TTC27: variants seen among roughly 807,000 people sequenced by gnomAD.
TTC27 encodes tetratricopeptide repeat protein 27.
A neutral mutation model predicts 115.9 loss-of-function variants in TTC27; 79 were observed. The ratio of observed to expected loss-of-function variants is 0.68; its 90% CI spans 0.57 to 0.82. The LOEUF is 0.82. Ranked by LOEUF, TTC27 falls within the 40% of genes least tolerant of loss-of-function variation. The pLI is 0.00. For missense variants in TTC27, 1,054 were observed against 993.1 expected (o/e 1.06, Z -0.82); for synonymous variants, 401 against 356.0 (o/e 1.13, Z -1.42).
At chr2:32,717,529 G>GT (rs1572544492) in intron 10 of TTC27, among the ~76,000 whole-genome samples, 1 of 152,076 alleles carries the variant, frequency 6.6e-6, no homozygotes, top group East Asian at 1.9e-4. Context: ...TTTCCTGTTA[G>GT]TTATTATCTT....
intron 9 of TTC27, among the ~76,000 whole-genome samples, chr2:32,694,319 G>A (rs1666912615): frequency 6.6e-6 from 1 of 152,132 alleles, no homozygotes; most frequent in African/African-American, 2.4e-5. Flanking sequence ...ACATATCAGA[G>A]CCTTTTCATG....
intron 9 of TTC27, among the ~76,000 whole-genome samples, chr2:32,683,262 T>G (rs1288970111): frequency 6.6e-6 from 1 of 152,132 alleles, no homozygotes; most frequent in African/African-American, 2.4e-5. Context: ...GTGCTGGATT[T>G]ACAGGGGTGA....
chr2:32,664,069 G>T (rs966080388), intron 5 of TTC27, among the ~76,000 whole-genome samples: 8 of 152,112 alleles, frequency 5.3e-5, no homozygotes, highest in African/African-American at 1.9e-4. Flanking sequence ...GGATTGTGTG[G>T]AATAAAGGAG....
At chr2:32,694,963 G>A (rs1422981487) in intron 9 of TTC27, among the ~76,000 whole-genome samples, 1 of 152,028 alleles carries the variant, frequency 6.6e-6, no homozygotes, top group Non-Finnish European at 1.5e-5. Context: ...ACAGGTGTGA[G>A]CCACTACGGC....
intron 9 of TTC27, among the ~76,000 whole-genome samples, chr2:32,695,933 T>C (rs1227658981): frequency 7.0e-6 from 1 of 142,278 alleles, no homozygotes; most frequent in Non-Finnish European, 1.5e-5. Context: ...AAATAAAATA[T>C]TATGAAAGTA....
intron 10 of TTC27, chr2:32,705,133 A>C (rs1329034888): frequency 3.6e-6 from 1 of 275,788 alleles, no homozygotes; most frequent in South Asian, 3.6e-5. Context: ...TGCCCTCCCC[A>C]CAGTAATAAG....
intron 9 of TTC27, among the ~76,000 whole-genome samples, chr2:32,689,050 TAA>T (rs1666729881): frequency 6.6e-6 from 1 of 152,114 alleles, no homozygotes; most frequent in Admixed American, 6.6e-5. Context: ...GAAACACTGA[TAA>T]ATGCAACAGC....
At chr2:32,628,450 T>G (rs1386566761) in intron 1 of TTC27, 70 bp downstream of exon 1, 1 of 1,365,980 alleles carries the variant, frequency 7.3e-7, no homozygotes, top group Non-Finnish European at 9.8e-7. Flanking sequence ...CAGCGACTGA[T>G]TCTCATCCCT....
chr2:32,652,826 G>T (rs954219291), intron 5 of TTC27, among the ~76,000 whole-genome samples: 1 of 152,146 alleles, frequency 6.6e-6, no homozygotes, highest in African/African-American at 2.4e-5. Flanking sequence ...GCCCTTGAAG[G>T]ATCATCAGAA....
intron 12 of TTC27, among the ~76,000 whole-genome samples, chr2:32,747,632 T>G (rs1156293015): frequency 1.3e-5 from 2 of 152,200 alleles, no homozygotes; most frequent in African/African-American, 4.8e-5. Context: ...TTATTTTGTC[T>G]TCTTTGCAAT....
intron 13 of TTC27, among the ~76,000 whole-genome samples, chr2:32,761,299 A>T (rs1669427925): frequency 6.6e-6 from 1 of 152,134 alleles, no homozygotes; most frequent in Non-Finnish European, 1.5e-5. Context: ...TATGTCCAGA[A>T]TCAGACTGCT....
chr2:32,679,098 T>A (rs1030846419), intron 9 of TTC27, among the ~76,000 whole-genome samples, 176 bp downstream of exon 9: 6 of 152,120 alleles, frequency 3.9e-5, no homozygotes, highest in African/African-American at 9.7e-5. Context: ...GATTTAAGAG[T>A]CTGCAACTCT....
intron 13 of TTC27, among the ~76,000 whole-genome samples, chr2:32,761,788 A>G (rs1189640814): frequency 6.6e-6 from 1 of 152,150 alleles, no homozygotes; most frequent in African/African-American, 2.4e-5. Context: ...GCACTTATGT[A>G]TAGCTTACTT....
intron 10 of TTC27, among the ~76,000 whole-genome samples, chr2:32,728,123 C>T (rs1022103875): frequency 6.7e-6 from 1 of 149,308 alleles, no homozygotes; most frequent in Admixed American, 6.8e-5. Context: ...TCACTGCAAG[C>T]TCCACCTCCC....
chr2:32,644,352 A>C (rs79926386), intron 4 of TTC27, among the ~76,000 whole-genome samples: 184 of 143,530 alleles, frequency 1.3e-3, no homozygotes, highest in Admixed American at 2.9e-3. Flanking sequence ...CTCTGTCTCC[A>C]AAAAAAAAAA....
intron 7 of TTC27, among the ~76,000 whole-genome samples, chr2:32,668,042 T>A (rs891244652): frequency 2.0e-5 from 3 of 150,102 alleles, no homozygotes; most frequent in East Asian, 2.0e-4. Flanking sequence ...AAAAAAAAAA[T>A]TAACCGGGCG....
At chr2:32,673,761 G>A (rs1244598759) in intron 8 of TTC27, among the ~76,000 whole-genome samples, 1 of 152,074 alleles carries the variant, frequency 6.6e-6, no homozygotes, top group African/African-American at 2.4e-5. Context: ...TTGGGAAGCC[G>A]AAGCGGATGG....
intron 10 of TTC27, among the ~76,000 whole-genome samples, chr2:32,719,783 G>A (rs1286434072): frequency 1.3e-5 from 2 of 152,106 alleles, no homozygotes; most frequent in Non-Finnish European, 2.9e-5. Context: ...GACATCCAGG[G>A]ACAGAGGATG....
chr2:32,698,207 C>T (rs753718654), intron 9 of TTC27, among the ~76,000 whole-genome samples: 8 of 152,036 alleles, frequency 5.3e-5, no homozygotes, highest in Non-Finnish European at 1.2e-4. Context: ...GATCATGGCT[C>T]ACTGCAGCCT....
Sources: allele counts gnomAD v4.1 joint callset (sites outside exome capture counted in the v4.1 genomes callset), GRCh38; gene constraint gnomAD v4.1.1; transcripts MANE v1.5; gene names NCBI Gene and HGNC (gene_info 2026-07-23, HGNC 2026-07-21).